Variants in MPHOSPH9 observed in about 807,000 individuals in gnomAD.
MPHOSPH9 encodes M-phase phosphoprotein 9.
In MPHOSPH9, 88 loss-of-function variants were observed where a neutral mutation model predicts 145.5. The observed-to-expected ratio is 0.60, with a 90% CI of 0.51 to 0.72. The LOEUF (loss-of-function observed/expected upper bound fraction) is 0.72. Ranked by LOEUF, MPHOSPH9 falls within the 30% of genes least tolerant of loss-of-function variation. The probability of loss-of-function intolerance (pLI) is 0.00; values close to 1 mark genes in which losing one functional copy is unlikely to be tolerated. For missense variants in MPHOSPH9, 1,238 were observed against 1,386.6 expected (o/e 0.89, Z 1.70); for synonymous variants, 435 against 486.2 (o/e 0.89, Z 1.39).
At chr12:123,163,695 GT>G in intron 19 of MPHOSPH9, 1 of 367,530 alleles carries the variant, frequency 2.7e-6, no homozygotes, top group African/African-American at 2.0e-5. Context: ...ATTAGTATTA[GT>G]TGTAAACAAT....
At chr12:123,241,379 C>G (rs1779512787) in intron 1 of MPHOSPH9, among the ~76,000 whole-genome samples, 2 of 152,032 alleles carry the variant, frequency 1.3e-5, no homozygotes, top group Non-Finnish European at 2.9e-5. Context: ...CAGTCTTCGC[C>G]CAGGCTGGAG....
rs1321895597 is a variant in MPHOSPH9 at position 123,193,128 on chromosome 12, C to T, written c.2241+1258G>A. ...ATATATACACACACACACACACACACACACACACACACACACACACACGAA... is the reference window on the plus strand; with the variant it reads ...ATATATACACACACACACACACACATACACACACACACACACACACACGAA... On this transcript the variant is annotated intron_variant, in intron 13 of 23. Transcript: ENST00000606320. Among the ~76,000 whole-genome samples the T allele has an allele frequency of 1.1e-4, 16 of 143,386 alleles. No individual in the cohort carries two copies. The East Asian group carries it at 2.4e-3, about 22-fold the overall frequency. The allele number at this position is 143,386 out of a possible 152,430, so 94.1% of individuals were successfully genotyped here. A position where few individuals can be genotyped will look rare whatever the true frequency, so the allele number is the denominator to read the frequency against.
At chr12:123,169,076 G>A (rs1222742454) in intron 16 of MPHOSPH9, among the ~76,000 whole-genome samples, 1 of 151,416 alleles carries the variant, frequency 6.6e-6, no homozygotes, top group Non-Finnish European at 1.5e-5. Context: ...AGTAGGGATG[G>A]GGTTTCACCA....
intron 2 of MPHOSPH9, among the ~76,000 whole-genome samples, chr12:123,227,973 T>C (rs1171397546): frequency 6.6e-6 from 1 of 152,218 alleles, no homozygotes; most frequent in Non-Finnish European, 1.5e-5. Flanking sequence ...AGAACAGCCC[T>C]TCATTGTGCA....
At chr12:123,205,822 G>A (rs1180401889) in intron 8 of MPHOSPH9, among the ~76,000 whole-genome samples, 1 of 152,070 alleles carries the variant, frequency 6.6e-6, no homozygotes, top group Non-Finnish European at 1.5e-5. Flanking sequence ...TTTTATAATT[G>A]CTATTGCTTT....
chr12:123,210,038 C>CGT lies in MPHOSPH9; in HGVS notation c.1194+16_1194+17dup, dbSNP rs1555227418. 6.3e-7 allele frequency: 1 copy of CGT among 1,579,780 alleles called. No homozygotes were observed. The highest frequency in any genetic ancestry group is 8.6e-7 in the Non-Finnish European group (1 of 1,156,930). On this transcript the variant is annotated intron_variant, in intron 8 of 23. Coordinates refer to ENST00000606320, the MANE Select transcript of MPHOSPH9 (RefSeq NM_022782.4). Reference sequence around the variant, plus strand: ...GGCGTAAGCCACCGCGCCCGGCCACCGTGTGTTTTTAAATTACCTGGTTTG... The same window carrying CGT: ...GGCGTAAGCCACCGCGCCCGGCCACCGTGTGTGTTTTTAAATTACCTGGTTTG...
upstream of MPHOSPH9, among the ~76,000 whole-genome samples, chr12:123,236,306 C>T (rs1019324974): frequency 6.6e-6 from 1 of 151,890 alleles, no homozygotes; most frequent in Non-Finnish European, 1.5e-5. Flanking sequence ...TTTGAAAGTG[C>T]TTTGCAGCTG....
At chr12:123,190,364 G>A (rs949327144) in intron 13 of MPHOSPH9, among the ~76,000 whole-genome samples, 2 of 152,076 alleles carry the variant, frequency 1.3e-5, no homozygotes, top group African/African-American at 4.8e-5. Context: ...GTGTTAGCCA[G>A]GATGGTCTTG....
At chr12:123,223,956 G>A (rs888380675) in intron 3 of MPHOSPH9, among the ~76,000 whole-genome samples, 3 of 150,760 alleles carry the variant, frequency 2.0e-5, no homozygotes, top group Admixed American at 6.6e-5. Context: ...TTTTTGAGAC[G>A]GAGTCTCTCG....
intron 6 of MPHOSPH9, among the ~76,000 whole-genome samples, chr12:123,217,020 T>C (rs1289213349): frequency 7.5e-6 from 1 of 133,520 alleles, no homozygotes; most frequent in South Asian, 2.5e-4. Context: ...AATAAATAAA[T>C]AAAAGAAATG....
At chr12:123,223,766 G>A (rs750502311) in intron 3 of MPHOSPH9, among the ~76,000 whole-genome samples, 4 of 151,810 alleles carry the variant, frequency 2.6e-5, no homozygotes, top group African/African-American at 4.8e-5. Flanking sequence ...TCTCTTAAAT[G>A]TTCACTTTGT....
chr12:123,203,289 C>T lies in MPHOSPH9; in HGVS notation c.1281G>A (p.Arg427=), dbSNP rs1286804408. The T allele has an allele frequency of 6.2e-7, 1 of 1,613,798 alleles. No individual in the cohort carries two copies. Among genetic ancestry groups the T allele is most frequent in the African/African-American group, 1.3e-5 (1 of 75,034 alleles). ...TTGGGTTGGAAGCAGAAGTGAGATT[C>T]CTCTCAGGTAACTGCTTGTTTTCCC... The part of the protein sequence containing the change: ...KQRENKQLPE[R]NLTSASNPNH... The change falls in exon 9 of 24, where the codon AGG becomes AGA. Residue 427 remains arginine (R), a synonymous_variant. Transcript: ENST00000606320.
At chr12:123,188,762 C>A (rs760692273) in intron 13 of MPHOSPH9, among the ~76,000 whole-genome samples, 5 of 152,132 alleles carry the variant, frequency 3.3e-5, no homozygotes, top group African/African-American at 1.2e-4. Context: ...GCAGGGGAAT[C>A]GCTTGAACCT....
intron 13 of MPHOSPH9, 70 bp downstream of exon 13, chr12:123,194,316 T>C (rs1331911564): frequency 1.1e-6 from 1 of 886,354 alleles, no homozygotes; most frequent in Non-Finnish European, 1.7e-6. Context: ...TCATAATCAC[T>C]TGTAAGAGTA....
rs1035784867 is a variant in MPHOSPH9, at chr12:123,233,078, G to A, written c.-162C>T. ...CTGCAGGCTGGTGGCCGCTTACCTG[G>A]CCGCCGCTCCCGCTGCCGATGTCAG... On this transcript the variant is annotated 5_prime_UTR_variant, in exon 1 of 24. Transcript: ENST00000606320. 1.3e-5 allele frequency: 2 copies of A among 152,286 alleles called. No homozygotes were observed. The highest frequency in any genetic ancestry group is 4.8e-5 in the African/African-American group (2 of 41,448). The allele number at this position is 152,286 out of a possible 1,614,324, so 9.4% of individuals were successfully genotyped here.
At chr12:123,226,013 G>C (rs185485662) in intron 3 of MPHOSPH9, among the ~76,000 whole-genome samples, 1 of 152,166 alleles carries the variant, frequency 6.6e-6, no homozygotes, top group Non-Finnish European at 1.5e-5. Context: ...TCCAGCCTGG[G>C]CAACAGAGCA....
rs760251694 is a variant in MPHOSPH9 at position 123,181,158 on chromosome 12, C to T, written c.2289+5G>A. The T allele has an allele frequency of 3.7e-6, 6 of 1,609,796 alleles. No individual in the cohort carries two copies. The Admixed American group carries it at 1.0e-4, about 27-fold the overall frequency. Reference sequence around the variant, plus strand: ...AAATCTAGAACATGAACCATTACCCCTTACCTTTACTCTCCTGTGTTCTTT... The same window carrying T: ...AAATCTAGAACATGAACCATTACCCTTTACCTTTACTCTCCTGTGTTCTTT... On this transcript the variant is annotated splice_donor_5th_base_variant and intron_variant, in intron 14 of 23. Transcript: ENST00000606320.
At chr12:123,230,625 C>A in intron 1 of MPHOSPH9, 103 bp from the exon 2 acceptor site, 1 of 304,362 alleles carries the variant, frequency 3.3e-6, no homozygotes, top group Non-Finnish European at 6.1e-6. Flanking sequence ...ATACAGATCT[C>A]CATTAAGGAT....
Position 123,201,767 on chromosome 12 carries a change from T to C in MPHOSPH9, c.1937+397A>G, listed in dbSNP as rs1056027145. The stretch of plus-strand genomic sequence containing the variant: ...TCAGATTTTCTAAGTGATTCTAAAA[T>C]AGGTATGAAGCTATCCTGAATATAA... On this transcript the variant is annotated intron_variant, in intron 11 of 23. Transcript: ENST00000606320. 7.9e-5 allele frequency among the ~76,000 whole-genome samples: 12 copies of C among 152,230 alleles called. No individual in the cohort carries two copies. In the South Asian group the frequency reaches 8.3e-4, roughly 11 times the overall value.
Sources: allele counts gnomAD v4.1 joint callset (sites outside exome capture counted in the v4.1 genomes callset), GRCh38; gene constraint gnomAD v4.1.1; transcripts MANE v1.5; gene names NCBI Gene and HGNC (gene_info 2026-07-23, HGNC 2026-07-21).